The following EDIL3 variants were observed in gnomAD, a reference collection of about 807,000 sequenced individuals.
EDIL3 encodes the protein EGF like and discoidin domains 3.
A neutral mutation model predicts 67.4 loss-of-function variants in EDIL3; 37 were observed. The ratio of observed to expected loss-of-function variants is 0.55; its 90% CI spans 0.42 to 0.72. EDIL3 has a LOEUF of 0.72. Ranked by LOEUF, EDIL3 falls within the 30% of genes least tolerant of loss-of-function variation. The probability of loss-of-function intolerance (pLI) is 0.00; values close to 1 mark genes in which losing one functional copy is unlikely to be tolerated. For synonymous variants in EDIL3, 195 were observed against 196.3 expected, an observed-to-expected ratio of 0.99 and a Z score of 0.05; for missense variants, 527 against 586.3, an observed-to-expected ratio of 0.90 and a Z score of 1.04.
chr5:84,381,376 T>A (rs1450390077), intron 1 of EDIL3, among the ~76,000 whole-genome samples: 1 of 152,162 alleles, frequency 6.6e-6, no homozygotes, highest in Non-Finnish European at 1.5e-5. Flanking sequence ...TGTTTTACCT[T>A]GACTCTGAAG....
intron 9 of EDIL3, among the ~76,000 whole-genome samples, chr5:84,001,759 G>T (rs1266788763): frequency 6.6e-6 from 1 of 152,030 alleles, no homozygotes; most frequent in African/African-American, 2.4e-5. Flanking sequence ...TGAATAGATT[G>T]AAGCCATAAT....
At chr5:83,966,224 C>G (rs903002037) in intron 9 of EDIL3, among the ~76,000 whole-genome samples, 1 of 152,086 alleles carries the variant, frequency 6.6e-6, no homozygotes, top group African/African-American at 2.4e-5. Context: ...TGAGCTGGCT[C>G]ATGGGTAGAC....
At chr5:84,160,900 A>G (rs1268422587) in intron 4 of EDIL3, among the ~76,000 whole-genome samples, 3 of 142,908 alleles carry the variant, frequency 2.1e-5, no homozygotes, top group African/African-American at 7.9e-5. Flanking sequence ...TTTTGGTTAC[A>G]TGGATAAGTT....
intron 9 of EDIL3, among the ~76,000 whole-genome samples, chr5:84,023,330 A>G (rs1384649912): frequency 6.6e-6 from 1 of 152,078 alleles, no homozygotes; most frequent in African/African-American, 2.4e-5. Flanking sequence ...GATCTACTTA[A>G]TTGTAAGAAT....
chr5:84,002,173 C>A (rs776727190), intron 9 of EDIL3, among the ~76,000 whole-genome samples: 1 of 152,050 alleles, frequency 6.6e-6, no homozygotes, highest in Non-Finnish European at 1.5e-5. Flanking sequence ...GATTGAAGGA[C>A]AAAAACCATA....
At chr5:84,279,582 G>A (rs990569082) in intron 1 of EDIL3, among the ~76,000 whole-genome samples, 1 of 152,092 alleles carries the variant, frequency 6.6e-6, no homozygotes, top group African/African-American at 2.4e-5. Flanking sequence ...TATTTACTTT[G>A]AATAATAATA....
chr5:84,083,847 C>T lies in EDIL3; in HGVS notation c.652-17241G>A, dbSNP rs1404672770. Among the ~76,000 whole-genome samples, 15 of 152,234 alleles carry T rather than the reference C, an allele frequency of 9.9e-5. No individual in the cohort carries two copies. In the East Asian group the frequency reaches 2.9e-3, roughly 29 times the overall value. ...ATTTTTCAATTCACACTGATCAAGTCCTTTTGACTTTTTAAAATTAACTTC... is the reference window on the plus strand; with the variant it reads ...ATTTTTCAATTCACACTGATCAAGTTCTTTTGACTTTTTAAAATTAACTTC... On this transcript the variant is annotated intron_variant, in intron 6 of 10. Transcript: ENST00000296591.
At chr5:83,977,122 T>C (rs954832537) in intron 9 of EDIL3, among the ~76,000 whole-genome samples, 2 of 151,800 alleles carry the variant, frequency 1.3e-5, no homozygotes, top group South Asian at 4.1e-4. Flanking sequence ...ATGTTTTTGG[T>C]TGATGAGTAT....
At chr5:84,216,926 T>A (rs1460577297) in intron 3 of EDIL3, among the ~76,000 whole-genome samples, 1 of 152,116 alleles carries the variant, frequency 6.6e-6, no homozygotes, top group Non-Finnish European at 1.5e-5. Flanking sequence ...AAAAGTTAAC[T>A]TGTAGAAAGA....
chr5:84,345,127 T>G (rs1045530256), intron 1 of EDIL3, among the ~76,000 whole-genome samples: 1 of 152,176 alleles, frequency 6.6e-6, no homozygotes, highest in Non-Finnish European at 1.5e-5. Context: ...ACAAATCTAT[T>G]TTGTAACATC....
intron 10 of EDIL3, among the ~76,000 whole-genome samples, chr5:83,948,582 A>T (rs1193348796): frequency 6.6e-6 from 1 of 151,694 alleles, no homozygotes; most frequent in African/African-American, 2.4e-5. Context: ...ATATGCAAGC[A>T]TTCCAAAAAT....
chr5:84,275,382 T>C (rs1284124643), intron 1 of EDIL3, among the ~76,000 whole-genome samples: 1 of 152,188 alleles, frequency 6.6e-6, no homozygotes, highest in Admixed American at 6.5e-5. Context: ...ATCACAAATA[T>C]CTTGTACCAG....
intron 1 of EDIL3, among the ~76,000 whole-genome samples, chr5:84,316,408 G>A (rs1385124753): frequency 6.6e-6 from 1 of 152,072 alleles, no homozygotes; most frequent in Non-Finnish European, 1.5e-5. Flanking sequence ...ATTAAGGGAT[G>A]GAGGAAGATC....
At chr5:84,231,784 AT>A (rs761938414) in intron 2 of EDIL3, among the ~76,000 whole-genome samples, 1 of 152,216 alleles carries the variant, frequency 6.6e-6, no homozygotes, top group Non-Finnish European at 1.5e-5. Context: ...AGGAAAAAAA[AT>A]GGTAGCTTCC....
intron 1 of EDIL3, among the ~76,000 whole-genome samples, chr5:84,282,780 A>AT: frequency 6.6e-6 from 1 of 152,332 alleles, no homozygotes; most frequent in Non-Finnish European, 1.5e-5. Flanking sequence ...GTATAGTATC[A>AT]TATCAATGCA....
At chr5:84,352,362 T>G (rs776599411) in intron 1 of EDIL3, among the ~76,000 whole-genome samples, 1 of 152,104 alleles carries the variant, frequency 6.6e-6, no homozygotes, top group Non-Finnish European at 1.5e-5. Context: ...GTATTCACAA[T>G]AGCAAAGTCA....
chr5:84,024,165 A>G (rs1745771613), intron 9 of EDIL3, among the ~76,000 whole-genome samples: 2 of 152,152 alleles, frequency 1.3e-5, no homozygotes, highest in Non-Finnish European at 2.9e-5. Context: ...GCAGCATGCT[A>G]TGACTAAGCA....
At chr5:84,012,998 A>T (rs1745542510) in intron 9 of EDIL3, among the ~76,000 whole-genome samples, 1 of 152,074 alleles carries the variant, frequency 6.6e-6, no homozygotes, top group Non-Finnish European at 1.5e-5. Flanking sequence ...ATTTCCTCCT[A>T]ATTAAATAAA....
chr5:84,037,500 C>T (rs968894463), intron 9 of EDIL3, among the ~76,000 whole-genome samples: 1 of 152,060 alleles, frequency 6.6e-6, no homozygotes, highest in African/African-American at 2.4e-5. Flanking sequence ...ATATGTTTTG[C>T]ATTTATTCGA....
Sources: gnomAD v4.1 joint callset for allele counts (sites outside exome capture counted in the v4.1 genomes callset) on GRCh38, gnomAD v4.1.1 for gene constraint, MANE v1.5 for transcripts, NCBI Gene and HGNC (gene_info 2026-07-23, HGNC 2026-07-21) for gene names.